RERE: variants seen among roughly 807,000 people sequenced by gnomAD.
The protein encoded by RERE is arginine-glutamic acid dipeptide repeats protein.
In RERE, 40 loss-of-function variants were observed where a neutral mutation model predicts 146.1. The observed-to-expected ratio is 0.27, with a 90% CI of 0.21 to 0.36. The LOEUF (loss-of-function observed/expected upper bound fraction) is 0.36, where lower values mean the gene tolerates loss of function less well. Among genes scored for constraint, RERE ranks in the 10% least tolerant of loss-of-function variants. The pLI, the probability that RERE is intolerant of heterozygous loss-of-function variation, is 1.00. For synonymous variants in RERE, 1,003 were observed against 866.0 expected (o/e 1.16, Z -2.78); for missense variants, 1,933 against 2,138.7 (o/e 0.90, Z 1.90).
intron 8 of RERE, among the ~76,000 whole-genome samples, chr1:8,506,773 T>G (rs924509131): frequency 2.0e-5 from 3 of 152,228 alleles, no homozygotes; most frequent in African/African-American, 7.2e-5. Flanking sequence ...AGTCCAATTC[T>G]TTCTTCCTCT....
At chr1:8,572,000 A>G (rs2124452561) in intron 4 of RERE, among the ~76,000 whole-genome samples, 1 of 152,348 alleles carries the variant, frequency 6.6e-6, no homozygotes, top group East Asian at 1.9e-4. Flanking sequence ...AGCACCAACA[A>G]CAACATACGG....
In RERE at chr1:8,587,247, A is replaced by G. The variant is rs554550110; in HGVS notation, c.522+27314T>C. On this transcript the variant is annotated intron_variant, in intron 4 of 22. Coordinates refer to ENST00000400908, the MANE Select transcript of RERE (RefSeq NM_001042681.2). ...CTTGGGTTCGAAATCTGGCTCTCATACTATGTGACATTAGGAAAATTACTG... is the reference window on the plus strand; with the variant it reads ...CTTGGGTTCGAAATCTGGCTCTCATGCTATGTGACATTAGGAAAATTACTG... Among the ~76,000 whole-genome samples the G allele has an allele frequency of 3.9e-5, 6 of 152,320 alleles. No homozygotes were observed. The East Asian group carries it at 1.2e-3, about 29-fold the overall frequency.
intron 10 of RERE, among the ~76,000 whole-genome samples, chr1:8,475,782 C>A (rs771926096): frequency 1.3e-5 from 2 of 151,944 alleles, no homozygotes; most frequent in Non-Finnish European, 2.9e-5. Context: ...AACCTAGTGC[C>A]AAGTCAATAT....
At chr1:8,803,498 T>A (rs544717349) in intron 1 of RERE, among the ~76,000 whole-genome samples, 11 of 152,106 alleles carry the variant, frequency 7.2e-5, no homozygotes, top group African/African-American at 2.7e-4. Context: ...AAGAAGTCAC[T>A]GTTCATTATC....
At chr1:8,722,344 T>C (rs959179872) in intron 1 of RERE, among the ~76,000 whole-genome samples, 23 of 152,210 alleles carry the variant, frequency 1.5e-4, no homozygotes, top group African/African-American at 5.3e-4. Flanking sequence ...CCCATTAGCT[T>C]TTTCATCCAA....
intron 1 of RERE, among the ~76,000 whole-genome samples, chr1:8,739,436 G>A (rs1640264171): frequency 6.6e-6 from 1 of 152,280 alleles, no homozygotes; most frequent in South Asian, 2.1e-4. Flanking sequence ...CAGGAGAGCT[G>A]CTGGTCACTA....
chr1:8,422,109 C>T (rs1182299113), intron 12 of RERE, among the ~76,000 whole-genome samples: 1 of 152,192 alleles, frequency 6.6e-6, no homozygotes, highest in African/African-American at 2.4e-5. Context: ...TCACGTTTAT[C>T]GGGCACATTT....
In RERE at chr1:8,356,159, G is replaced by T; in HGVS notation, c.4427C>A (p.Pro1476His). 1.3e-6 allele frequency: 2 copies of T among 1,521,508 alleles called. No homozygotes were observed. The allele number at this position is 1,521,508 out of a possible 1,614,324, so 94.3% of individuals were successfully genotyped here. A position where few individuals can be genotyped will look rare whatever the true frequency, so the allele number is the denominator to read the frequency against. The stretch of plus-strand genomic sequence containing the variant: ...TGGGGGCTGTCCAAGCAGAGGGTTG[G>T]GGAGAGTGCCAGGCGGGTAGGGGAA... ...ARFPYPPGTL[P>H]NPLLGQPPHE... Residue 1476 changes from proline (P) to histidine (H), a missense_variant, in exon 21 of 23, where the codon CCC becomes CAC. By Grantham distance (77) the Pro-to-His change is moderately conservative. This residue lies in a region of RERE where 133 missense variants were observed against 168.6 expected (regional missense o/e 0.79). Coordinates refer to ENST00000400908, the MANE Select transcript of RERE (RefSeq NM_001042681.2). This position sits in a 1 kb window ranked among gnomAD's most constrained non-coding sequence, Gnocchi z 5.2.
intron 1 of RERE, among the ~76,000 whole-genome samples, chr1:8,702,103 T>C (rs1569581796): frequency 1.3e-5 from 2 of 149,850 alleles, no homozygotes; most frequent in African/African-American, 4.9e-5. Context: ...CTCAAAACAG[T>C]AATTTTGGCA....
At chr1:8,760,588 C>G (rs1640735596) in intron 1 of RERE, among the ~76,000 whole-genome samples, 1 of 152,050 alleles carries the variant, frequency 6.6e-6, no homozygotes, top group Admixed American at 6.6e-5. Context: ...TTTGGACAGG[C>G]TTTTGATATT....
intron 10 of RERE, among the ~76,000 whole-genome samples, chr1:8,492,301 C>T (rs1007888302): frequency 6.6e-6 from 1 of 152,066 alleles, no homozygotes; most frequent in Non-Finnish European, 1.5e-5. Context: ...GTATGGTCTA[C>T]AGAATTCTTA....
At chr1:8,564,868 GTGTATA>G (rs1440442316) in intron 4 of RERE, among the ~76,000 whole-genome samples, 39 of 124,606 alleles carry the variant, frequency 3.1e-4, no homozygotes, top group African/African-American at 1.2e-3. Context: ...GTGTGTGTGT[GTGTATA>G]TATATATATA....
intron 1 of RERE, among the ~76,000 whole-genome samples, chr1:8,672,302 T>G (rs1026173527): frequency 6.6e-6 from 1 of 151,986 alleles, no homozygotes; most frequent in African/African-American, 2.4e-5. Flanking sequence ...ACCTCCAGAG[T>G]AGCTGGGACT....
intron 4 of RERE, among the ~76,000 whole-genome samples, chr1:8,562,097 CA>C (rs1646085573): frequency 6.6e-6 from 1 of 151,800 alleles, no homozygotes; most frequent in Admixed American, 6.6e-5. Context: ...TGGATGAGCT[CA>C]AAAAATGTCA....
At chr1:8,635,254 T>A (rs892803094) in intron 2 of RERE, among the ~76,000 whole-genome samples, 2 of 152,232 alleles carry the variant, frequency 1.3e-5, no homozygotes, top group Non-Finnish European at 2.9e-5. Flanking sequence ...CTCCTTATGA[T>A]ACAGTGATTT....
At chr1:8,619,958 C>A (rs2124212369) in intron 3 of RERE, among the ~76,000 whole-genome samples, 1 of 152,260 alleles carries the variant, frequency 6.6e-6, no homozygotes, top group Admixed American at 6.5e-5. Flanking sequence ...TCTTCAGTCT[C>A]CCTTTAGGTG....
At chr1:8,376,467 T>C (rs748077698) in intron 12 of RERE, among the ~76,000 whole-genome samples, 2 of 152,218 alleles carry the variant, frequency 1.3e-5, no homozygotes, top group African/African-American at 2.4e-5. Context: ...CACATGTCTA[T>C]AGAAACGCTT....
chr1:8,738,961 C>T (rs1640255881), intron 1 of RERE, among the ~76,000 whole-genome samples: 1 of 152,130 alleles, frequency 6.6e-6, no homozygotes, highest in African/African-American at 2.4e-5. Flanking sequence ...TTGGTCATGT[C>T]CCAAACTCTG....
At chr1:8,741,630 C>T (rs1034366587) in intron 1 of RERE, among the ~76,000 whole-genome samples, 28 of 152,200 alleles carry the variant, frequency 1.8e-4, no homozygotes, top group African/African-American at 6.8e-4. Context: ...AAGAAGATGC[C>T]TTGCTTTCCC....
Sources: gnomAD v4.1 joint callset for allele counts (sites outside exome capture counted in the v4.1 genomes callset) on GRCh38, gnomAD v4.1.1 for gene constraint, gnomAD v4.1.1 regional missense constraint, Gnocchi (gnomAD v3.1) non-coding constraint, MANE v1.5 for transcripts, NCBI Gene and HGNC (gene_info 2026-07-23, HGNC 2026-07-21) for gene names.